NOVA2: variants seen among roughly 807,000 people sequenced by gnomAD.
NOVA2 encodes NOVA alternative splicing regulator 2, also known as RNA-binding protein Nova-2.
NOVA2 carries 9 observed loss-of-function variants against 22.5 expected under a neutral mutation model. The observed-to-expected ratio is 0.40, with a 90% CI of 0.24 to 0.70. The LOEUF (loss-of-function observed/expected upper bound fraction) is 0.70, where lower values mean the gene tolerates loss of function less well. NOVA2 is among the 30% of genes least tolerant of loss of function. The pLI is 0.38. For missense variants in NOVA2, 383 were observed against 682.8 expected, an observed-to-expected ratio of 0.56 and a Z score of 4.89; for synonymous variants, 318 against 335.2, an observed-to-expected ratio of 0.95 and a Z score of 0.56.
intron 1 of NOVA2, among the ~76,000 whole-genome samples, chr19:45,966,732 C>T (rs569985282): frequency 3.4e-4 from 51 of 152,112 alleles, no homozygotes; most frequent in Non-Finnish European, 6.9e-4. Flanking sequence ...AAAAAATTAG[C>T]CAGACGTGGA....
chr19:45,936,606 G>C lies in NOVA2; in HGVS notation c.*3257C>G, dbSNP rs1967656587. The C allele has an allele frequency of 6.6e-6, 1 of 150,510 alleles. No individual in the cohort carries two copies. Among genetic ancestry groups the C allele is most frequent in the Non-Finnish European group, 1.5e-5 (1 of 67,802 alleles). The allele number at this position is 150,510 out of a possible 1,614,324, so 9.3% of individuals were successfully genotyped here. On this transcript the variant is annotated 3_prime_UTR_variant, in exon 4 of 4. Transcript: ENST00000263257. ...GGGGAAATTGGGGAGAGAGAGTTGA[G>C]ACATTTGAGGAAAGGAGGAAGACAG...
At chr19:45,972,788 C>T (rs1024070948) in intron 1 of NOVA2, among the ~76,000 whole-genome samples, 1 of 152,134 alleles carries the variant, frequency 6.6e-6, no homozygotes, top group African/African-American at 2.4e-5. Context: ...TCCCCACGCA[C>T]GATCCGGCCA....
intron 3 of NOVA2, among the ~76,000 whole-genome samples, chr19:45,950,228 G>A (rs1967904070): frequency 1.3e-5 from 2 of 149,704 alleles, no homozygotes; most frequent in Admixed American, 6.7e-5. Context: ...GCGCGATCTC[G>A]GCTCACTGCA....
intron 1 of NOVA2, among the ~76,000 whole-genome samples, chr19:45,963,209 T>A (rs1221896092): frequency 1.3e-5 from 2 of 151,874 alleles, no homozygotes; most frequent in South Asian, 2.1e-4. Context: ...TGAAACTCCG[T>A]CTCTACTAAA....
rs772765609 is a variant in NOVA2, at chr19:45,973,359, G to A, written c.-8C>T. 21 of 1,030,330 alleles carry A rather than the reference G, an allele frequency of 2.0e-5. No individual in the cohort carries two copies. In the South Asian group the frequency reaches 7.7e-4, roughly 38 times the overall value. 63.8% of individuals were successfully genotyped at this position (1,030,330 alleles called of 1,614,324 possible). On this transcript the variant is annotated 5_prime_UTR_variant, in exon 1 of 4. Coordinates refer to ENST00000263257, the MANE Select transcript of NOVA2 (RefSeq NM_002516.4). ...CGGGGCCTCGGGCTCCATGGGGGGG[G>A]CCTGGGGCGGCGGCTGCTGCTGCTG... is the stretch of plus-strand genomic sequence containing the variant.
Position 45,938,514 on chromosome 19 carries a change from C to T in NOVA2, c.*1349G>A, listed in dbSNP as rs1425122709. 1.3e-5 allele frequency: 2 copies of T among 152,666 alleles called. No homozygotes were observed. Among genetic ancestry groups the T allele is most frequent in the Non-Finnish European group, 2.9e-5 (2 of 68,190 alleles). 9.5% of individuals were successfully genotyped at this position (152,666 alleles called of 1,614,324 possible). A position where few individuals can be genotyped will look rare whatever the true frequency, so the allele number is the denominator to read the frequency against. ...CAGAGCCACCACACACTTGGCTCAC[C>T]CGATTCAATGAAACAAAGCCACGCA... On this transcript the variant is annotated 3_prime_UTR_variant, in exon 4 of 4. Coordinates refer to ENST00000263257, the MANE Select transcript of NOVA2 (RefSeq NM_002516.4).
At chr19:45,952,972 G>A (rs530960287) in intron 3 of NOVA2, among the ~76,000 whole-genome samples, 1 of 152,240 alleles carries the variant, frequency 6.6e-6, no homozygotes, top group Non-Finnish European at 1.5e-5. Flanking sequence ...CCCTCGCAAG[G>A]GGCCCTCCCG....
intron 3 of NOVA2, among the ~76,000 whole-genome samples, chr19:45,952,187 G>C (rs1285347574): frequency 1.3e-5 from 2 of 152,162 alleles, no homozygotes; most frequent in Admixed American, 1.3e-4. Context: ...TAACAACAGA[G>C]AACATTTTTG....
rs1279280164 is a variant in NOVA2, at chr19:45,936,205, A to T, written c.*3658T>A. 1 of 152,102 alleles carries T rather than the reference A, an allele frequency of 6.6e-6. No homozygotes were observed. The highest frequency in any genetic ancestry group is 1.5e-5 in the Non-Finnish European group (1 of 68,024). 9.4% of individuals were successfully genotyped at this position (152,102 alleles called of 1,614,324 possible). ...GGTCCTTCTCTTGAATCCAGTTGGT[A>T]CCGCCCCTTGGGCTAGCAGAGGAGG... is the stretch of plus-strand genomic sequence containing the variant. On this transcript the variant is annotated 3_prime_UTR_variant, in exon 4 of 4. Transcript: ENST00000263257.
chr19:45,960,151 A>T (rs1968073959), intron 2 of NOVA2, among the ~76,000 whole-genome samples: 1 of 151,802 alleles, frequency 6.6e-6, no homozygotes, highest in African/African-American at 2.4e-5. Flanking sequence ...GGAAGGGAAG[A>T]AAAAACCAGG....
chr19:45,966,260 T>C (rs1270504438), intron 1 of NOVA2, among the ~76,000 whole-genome samples: 1 of 152,158 alleles, frequency 6.6e-6, no homozygotes, highest in Non-Finnish European at 1.5e-5. Context: ...GTACTGGAAT[T>C]GTTCTTTCTT....
At chr19:45,945,726 A>G (rs1358555475) in intron 3 of NOVA2, among the ~76,000 whole-genome samples, 1 of 152,212 alleles carries the variant, frequency 6.6e-6, no homozygotes, top group Non-Finnish European at 1.5e-5. Flanking sequence ...AGTATTTCAG[A>G]GAGTCAAGTG....
intron 2 of NOVA2, 100 bp downstream of exon 2, chr19:45,960,908 CTG>C: frequency 2.4e-6 from 3 of 1,250,866 alleles, no homozygotes; most frequent in Non-Finnish European, 3.3e-6. Flanking sequence ...ACCACTGTCA[CTG>C]TCCTTAGGGC....
At chr19:45,965,973 C>T (rs148135512) in intron 1 of NOVA2, among the ~76,000 whole-genome samples, 184 of 152,300 alleles carry the variant, frequency 1.2e-3, no homozygotes, top group South Asian at 7.3e-3. Context: ...ACACCATGAA[C>T]ACAAGTTCAG....
chr19:45,951,206 A>G (rs1168956818), intron 3 of NOVA2, among the ~76,000 whole-genome samples: 3 of 152,116 alleles, frequency 2.0e-5, no homozygotes, highest in East Asian at 1.9e-4. Flanking sequence ...GCCTGGCGCA[A>G]TGGCTCACGC....
In NOVA2 at chr19:45,973,840, G is replaced by C. The variant is rs1184337525; in HGVS notation, c.-489C>G. 6.6e-6 allele frequency among the ~76,000 whole-genome samples: 1 copy of C among 151,458 alleles called. No individual in the cohort carries two copies. The highest frequency in any genetic ancestry group is 6.6e-5 in the Admixed American group (1 of 15,244). ...GGGACGGGACTCCCCGCTTCTTCTT[G>C]GCTCCCTGGGGCAAGAGGGCCGAGC... On this transcript the variant is annotated 5_prime_UTR_variant, in exon 1 of 4. Coordinates refer to ENST00000263257, the MANE Select transcript of NOVA2 (RefSeq NM_002516.4).
At chr19:45,946,150 A>G (rs1298390616) in intron 3 of NOVA2, among the ~76,000 whole-genome samples, 1 of 152,096 alleles carries the variant, frequency 6.6e-6, no homozygotes, top group Non-Finnish European at 1.5e-5. Context: ...AAAAGTACAA[A>G]AATTAACTGA....
intron 1 of NOVA2, 69 bp from the exon 2 acceptor site, chr19:45,961,222 G>C: frequency 3.7e-6 from 4 of 1,093,736 alleles, no homozygotes; most frequent in Non-Finnish European, 5.4e-6. Flanking sequence ...GGGGTGAGCA[G>C]AGGAAACCCC....
At chr19:45,945,274 C>T (rs180807790) in intron 3 of NOVA2, among the ~76,000 whole-genome samples, 1 of 151,566 alleles carries the variant, frequency 6.6e-6, no homozygotes, top group African/African-American at 2.4e-5. Context: ...TACACTCCAG[C>T]CTGGGTGACA....
Sources: allele counts gnomAD v4.1 joint callset (sites outside exome capture counted in the v4.1 genomes callset), GRCh38; gene constraint gnomAD v4.1.1; transcripts MANE v1.5; gene names NCBI Gene and HGNC (gene_info 2026-07-23, HGNC 2026-07-21).